LPGAT1: variants seen among roughly 807,000 people sequenced by gnomAD.
The protein encoded by LPGAT1 is acyl-CoA:lysophosphatidylglycerol acyltransferase 1.
In LPGAT1, 11 loss-of-function variants were observed where a neutral mutation model predicts 47.5. The observed-to-expected ratio is 0.23, with a 90% CI of 0.15 to 0.38. LPGAT1 has a LOEUF of 0.38. LPGAT1 is among the 10% of genes least tolerant of loss of function. The pLI, the probability that LPGAT1 is intolerant of heterozygous loss-of-function variation, is 1.00. For synonymous variants in LPGAT1, 138 were observed against 144.2 expected, an observed-to-expected ratio of 0.96 and a Z score of 0.31; for missense variants, 293 against 439.0, an observed-to-expected ratio of 0.67 and a Z score of 2.97.
intron 6 of LPGAT1, among the ~76,000 whole-genome samples, chr1:211,771,320 A>T (rs1384162374): frequency 1.3e-5 from 2 of 152,130 alleles, no homozygotes. Flanking sequence ...TGATGTTCGT[A>T]CAATGATGAA....
rs1443891707 is a variant in LPGAT1, at chr1:211,830,278, C to T, written c.-28+295G>A. 4.9e-6 allele frequency: 5 copies of T among 1,023,800 alleles called. No individual in the cohort carries two copies. The highest frequency in any genetic ancestry group is 5.8e-6 in the Non-Finnish European group (5 of 855,598). The allele number at this position is 1,023,800 out of a possible 1,614,324, so 63.4% of individuals were successfully genotyped here. A position where few individuals can be genotyped will look rare whatever the true frequency, so the allele number is the denominator to read the frequency against. On this transcript the variant is annotated intron_variant, in intron 1 of 7. Transcript: ENST00000366997. The surrounding 1 kb of genome is among the most constrained non-coding windows in gnomAD (Gnocchi z 5.9). ...ATGGACGCGGTGGCGGCCCAAGCGG[C>T]CCGAGGCGCTGCGCGAGCGGGCGCG...
intron 5 of LPGAT1, among the ~76,000 whole-genome samples, chr1:211,779,315 TG>T (rs1315695520): frequency 6.6e-6 from 1 of 152,174 alleles, no homozygotes; most frequent in African/African-American, 2.4e-5. Context: ...TTATGCACTA[TG>T]AAGGTCTAAT....
intron 6 of LPGAT1, among the ~76,000 whole-genome samples, chr1:211,754,117 T>C (rs1014710167): frequency 6.6e-6 from 1 of 152,192 alleles, no homozygotes; most frequent in African/African-American, 2.4e-5. Flanking sequence ...GTTGTATCTG[T>C]TGTTCCTCAG....
intron 5 of LPGAT1, among the ~76,000 whole-genome samples, chr1:211,780,132 G>A (rs539761405): frequency 5.3e-5 from 8 of 150,788 alleles, no homozygotes; most frequent in South Asian, 2.1e-4. Flanking sequence ...AGCCGAGATC[G>A]CACCATTGCA....
intron 2 of LPGAT1, among the ~76,000 whole-genome samples, chr1:211,810,835 G>A (rs1659962839): frequency 6.6e-6 from 1 of 152,156 alleles, no homozygotes; most frequent in Non-Finnish European, 1.5e-5. Flanking sequence ...CTGAGAAGAA[G>A]AGGAAATAAG....
chr1:211,787,537 C>T, intron 4 of LPGAT1, 95 bp downstream of exon 4: 1 of 615,352 alleles, frequency 1.6e-6, no homozygotes, highest in Non-Finnish European at 2.8e-6. Flanking sequence ...AGAAGCAGCC[C>T]TACCTATTAT....
At position 211,751,010 on chromosome 1, in the gene LPGAT1, A is replaced by G. The variant is rs1657154522; in HGVS notation, c.912T>C (p.Tyr304=). 1 of 1,613,972 alleles carries G rather than the reference A, an allele frequency of 6.2e-7. No individual in the cohort carries two copies. Among genetic ancestry groups the G allele is most frequent in the Non-Finnish European group, 8.5e-7 (1 of 1,179,854 alleles). ...LETDDLTTWL[Y]QRFVEKEDLL... Reference sequence around the variant, plus strand: ...GGTCTTCTTTTTCAACAAACCGCTGATAGAGCCAAGTGGTAAGGTCATCAG... The same window carrying G: ...GGTCTTCTTTTTCAACAAACCGCTGGTAGAGCCAAGTGGTAAGGTCATCAG... Residue 304 remains tyrosine, a synonymous_variant, in exon 7 of 8, where the codon TAT becomes TAC. Transcript: ENST00000366997.
chr1:211,813,111 T>C (rs929665390), intron 2 of LPGAT1, among the ~76,000 whole-genome samples: 15 of 152,258 alleles, frequency 9.9e-5, no homozygotes, highest in Non-Finnish European at 1.5e-4. Context: ...AATTAAAAAA[T>C]TTTTAAACGA....
chr1:211,827,913 A>G (rs1660588949), intron 2 of LPGAT1, among the ~76,000 whole-genome samples: 1 of 152,224 alleles, frequency 6.6e-6, no homozygotes, highest in South Asian at 2.1e-4. Flanking sequence ...CCACTGCCTG[A>G]AGGAGAAAAG....
intron 4 of LPGAT1, among the ~76,000 whole-genome samples, chr1:211,784,490 C>CAAA (rs373021672): frequency 8.9e-6 from 1 of 112,536 alleles, no homozygotes; most frequent in Non-Finnish European, 1.8e-5. Context: ...GACCCTGTCT[C>CAAA]AAAAAAAAAA....
At chr1:211,791,769 AC>A (rs1233094316) in intron 3 of LPGAT1, among the ~76,000 whole-genome samples, 1 of 140,512 alleles carries the variant, frequency 7.1e-6, no homozygotes, top group Non-Finnish European at 1.6e-5. Context: ...AAAAAAACAA[AC>A]AAACAAAAAA....
At chr1:211,763,599 GTA>G (rs1383744212) in intron 6 of LPGAT1, among the ~76,000 whole-genome samples, 19 of 152,168 alleles carry the variant, frequency 1.2e-4, no homozygotes, top group African/African-American at 4.6e-4. Context: ...AGTAACATAC[GTA>G]TATAATTTCT....
At chr1:211,763,448 T>C (rs1657785336) in intron 6 of LPGAT1, among the ~76,000 whole-genome samples, 1 of 152,180 alleles carries the variant, frequency 6.6e-6, no homozygotes, top group African/African-American at 2.4e-5. Flanking sequence ...AGAAGCCAAC[T>C]AGATGCAGCC....
Position 211,762,189 on chromosome 1 carries a change from A to T in LPGAT1, c.855-11122T>A, listed in dbSNP as rs1657727438. On this transcript the variant is annotated intron_variant, in intron 6 of 7. Transcript: ENST00000366997. ...TAGTATCTAAAATATCTTTATAAGG[A>T]GAAAATTGACATTAAAAATAAAGCT... is the stretch of plus-strand genomic sequence containing the variant. Among the ~76,000 whole-genome samples, 4 of 152,256 alleles carry T rather than the reference A, an allele frequency of 2.6e-5. No homozygotes were observed. The South Asian group carries it at 8.3e-4, about 32-fold the overall frequency.
chr1:211,768,929 C>T (rs1419220704), intron 6 of LPGAT1, among the ~76,000 whole-genome samples: 1 of 152,034 alleles, frequency 6.6e-6, no homozygotes, highest in Admixed American at 6.6e-5. Context: ...AGTAGGAATA[C>T]GTTTGGGATG....
At chr1:211,769,475 G>A (rs749695910) in intron 6 of LPGAT1, among the ~76,000 whole-genome samples, 5 of 152,130 alleles carry the variant, frequency 3.3e-5, no homozygotes, top group South Asian at 2.1e-4. Flanking sequence ...GATCCAGCCC[G>A]CAAGAGAGGA....
rs113169620 is a variant in LPGAT1 at position 211,829,271 on chromosome 1, G to A, written c.26C>T (p.Pro9Leu). 1.8e-4 allele frequency: 297 copies of A among 1,614,126 alleles called. 3 individuals carry two copies. The African/African-American group carries it at 2.9e-3, about 16-fold the overall frequency. Residue 9 changes from proline (P) to leucine (L), a missense_variant, in exon 2 of 8, where the codon CCG becomes CTG. Coordinates refer to ENST00000366997, the MANE Select transcript of LPGAT1 (RefSeq NM_014873.3). Reference sequence around the variant, plus strand: ...TTTCACCAAGAGCCAGCCCAGCCACGGAGCTTCTTCCAAAGTTATAGCCAT... The same window carrying A: ...TTTCACCAAGAGCCAGCCCAGCCACAGAGCTTCTTCCAAAGTTATAGCCAT... The part of the protein sequence containing the change: MAITLEEA[P>L]WLGWLLVKAL...
At chr1:211,791,770 CAAACAAAAAAAAA>C (rs1266264775) in intron 3 of LPGAT1, among the ~76,000 whole-genome samples, 28 of 130,874 alleles carry the variant, frequency 2.1e-4, no homozygotes, top group South Asian at 4.7e-4. Context: ...AAAAAACAAA[CAAACAAAAAAAAA>C]AAACAAAAAA....
At chr1:211,819,319 C>A (rs1238120926) in intron 2 of LPGAT1, among the ~76,000 whole-genome samples, 2 of 152,020 alleles carry the variant, frequency 1.3e-5, no homozygotes, top group Non-Finnish European at 2.9e-5. Flanking sequence ...TTGGCAAGGC[C>A]CCATCTCTAC....
Sources: gnomAD v4.1 joint callset for allele counts (sites outside exome capture counted in the v4.1 genomes callset) on GRCh38, gnomAD v4.1.1 for gene constraint, Gnocchi (gnomAD v3.1) non-coding constraint, MANE v1.5 for transcripts, NCBI Gene and HGNC (gene_info 2026-07-23, HGNC 2026-07-21) for gene names.